The following FBN1 variants were observed in gnomAD, a reference collection of about 807,000 sequenced individuals.
The protein encoded by FBN1 is fibrillin-1.
A neutral mutation model predicts 365.1 loss-of-function variants in FBN1; 29 were observed. The observed-to-expected ratio is 0.08, with a 90% CI of 0.06 to 0.11. The LOEUF is 0.11. Among genes scored for constraint, FBN1 ranks in the 10% least tolerant of loss-of-function variants. The pLI is 1.00. For synonymous variants in FBN1, 1,210 were observed against 1,270.5 expected (o/e 0.95, Z 1.01); for missense variants, 2,476 against 3,703.2 (o/e 0.67, Z 8.60).
intron 2 of FBN1, chr15:48,643,154 G>A (rs1890229925): frequency 6.6e-6 from 1 of 152,138 alleles, no homozygotes; most frequent in African/African-American, 2.4e-5. Flanking sequence ...TATTTTTGAA[G>A]GAAAAATACT....
rs563015558 is a variant in FBN1 at position 48,441,002 on chromosome 15, C to G, written c.6163+719G>C. ...GAAATACATGTGTTTGTTTCATCTC[C>G]CTTCCCCGGAATTCATGAAACTAGT... On this transcript the variant is annotated intron_variant, in intron 50 of 65. Coordinates refer to ENST00000316623, the MANE Select transcript of FBN1 (RefSeq NM_000138.5). 1.3e-5 allele frequency among the ~76,000 whole-genome samples: 2 copies of G among 152,060 alleles called. 1 individual carries two copies. The highest frequency in any genetic ancestry group is 3.9e-4 in the East Asian group (2 of 5,174).
intron 2 of FBN1, among the ~76,000 whole-genome samples, chr15:48,624,874 T>C (rs1433791297): frequency 1.3e-5 from 2 of 152,204 alleles, no homozygotes; most frequent in Admixed American, 6.5e-5. Context: ...GGGGTGGAGC[T>C]TGTGGAATTC....
intron 24 of FBN1, among the ~76,000 whole-genome samples, chr15:48,491,951 T>A (rs1379365948): frequency 6.6e-6 from 1 of 152,166 alleles, no homozygotes; most frequent in Non-Finnish European, 1.5e-5. Flanking sequence ...AGGATCCCAT[T>A]TGGGCTCTAG....
chr15:48,644,458 G>C, intron 2 of FBN1, 148 bp downstream of exon 2: 1 of 1,034,828 alleles, frequency 9.7e-7, no homozygotes, highest in Non-Finnish European at 1.5e-6. Flanking sequence ...AACCACGAAC[G>C]GGGTGGGGAC....
chr15:48,452,777 T>G (rs2043211478), intron 44 of FBN1, 93 bp from the exon 45 acceptor site: 1 of 1,421,434 alleles, frequency 7.0e-7, no homozygotes, highest in East Asian at 2.3e-5. Flanking sequence ...ATATTTTATT[T>G]TGATCTGTTC....
chr15:48,526,106 C>A lies in FBN1; in HGVS notation c.988+24G>T, dbSNP rs201610317. 1.5e-4 allele frequency: 243 copies of A among 1,613,672 alleles called. 1 individual carries two copies. The Middle Eastern group carries it at 2.5e-3, about 16-fold the overall frequency. On this transcript the variant is annotated intron_variant, in intron 9 of 65. Transcript: ENST00000316623. ...ATGGAACTGACTTACACAAACCATG[C>A]ATGCTGTTTGTCATTAAACCTACCT... is the stretch of plus-strand genomic sequence containing the variant.
intron 55 of FBN1, among the ~76,000 whole-genome samples, chr15:48,431,933 G>T (rs879676892): frequency 1.3e-5 from 2 of 152,116 alleles, no homozygotes; most frequent in African/African-American, 4.8e-5. Context: ...GGGATTACAG[G>T]CATAAGCCAC....
chr15:48,424,381 TCTCTC>T (rs1420191463), intron 60 of FBN1, among the ~76,000 whole-genome samples: 1 of 152,042 alleles, frequency 6.6e-6, no homozygotes, highest in Non-Finnish European at 1.5e-5. Flanking sequence ...GCTCTCCACT[TCTCTC>T]CTCTCCTCTC....
chr15:48,549,349 C>T (rs1250274928), intron 6 of FBN1, among the ~76,000 whole-genome samples: 1 of 152,216 alleles, frequency 6.6e-6, no homozygotes, highest in South Asian at 2.1e-4. Context: ...CTGGCTAGAC[C>T]TCAGGTGACT....
At chr15:48,553,273 C>A (rs2044156808) in intron 6 of FBN1, among the ~76,000 whole-genome samples, 1 of 152,130 alleles carries the variant, frequency 6.6e-6, no homozygotes, top group Non-Finnish European at 1.5e-5. Flanking sequence ...CCAAATGTTA[C>A]ATATTTGATT....
intron 64 of FBN1, among the ~76,000 whole-genome samples, chr15:48,415,119 A>T (rs977491939): frequency 1.3e-5 from 2 of 152,314 alleles, no homozygotes; most frequent in East Asian, 1.9e-4. Context: ...TTATTCTAAC[A>T]GGAGCTAGAT....
At position 48,456,312 on chromosome 15, in the gene FBN1, T is replaced by C. The variant is rs1173937374; in HGVS notation, c.5422+325A>G. On this transcript the variant is annotated intron_variant, in intron 44 of 65. Transcript: ENST00000316623. Reference sequence around the variant, plus strand: ...AACTAGGATGACTGTCCACTCATACTGATTTTCCAGCAATGTGAAACGAAA... The same window carrying C: ...AACTAGGATGACTGTCCACTCATACCGATTTTCCAGCAATGTGAAACGAAA... Among the ~76,000 whole-genome samples the C allele has an allele frequency of 3.3e-5, 5 of 152,248 alleles. No individual in the cohort carries two copies. The East Asian group carries it at 9.6e-4, about 29-fold the overall frequency.
At chr15:48,488,266 C>T (rs1240241160) in intron 26 of FBN1, 25 bp from the exon 27 acceptor site, 1 of 1,614,080 alleles carries the variant, frequency 6.2e-7, no homozygotes, top group Non-Finnish European at 8.5e-7. Flanking sequence ...CAAGTGGCAG[C>T]AAATGAGTCT....
intron 4 of FBN1, among the ~76,000 whole-genome samples, chr15:48,608,298 A>T (rs1380061653): frequency 6.6e-6 from 1 of 152,100 alleles, no homozygotes; most frequent in Non-Finnish European, 1.5e-5. Context: ...AAAGTATAAA[A>T]TTTTTCAGAG....
At chr15:48,546,633 G>T (rs2044095681) in intron 6 of FBN1, among the ~76,000 whole-genome samples, 1 of 152,190 alleles carries the variant, frequency 6.6e-6, no homozygotes, top group Non-Finnish European at 1.5e-5. Flanking sequence ...TCTGGATCTG[G>T]CTCAAAGCTC....
chr15:48,428,365 G>T lies in FBN1; in HGVS notation c.6978C>A (p.Pro2326=). The part of the protein sequence containing the change: ...CECNDGFTAS[P]NQDECLDNRE... The stretch of plus-strand genomic sequence containing the variant: ...ACTCACCAAGGCACTCGTCCTGGTT[G>T]GGGCTGGCGGTAAACCCATCATTAC... Residue 2326 remains proline (P), a synonymous_variant, in exon 57 of 66, where the codon CCC becomes CCA. Coordinates refer to ENST00000316623, the MANE Select transcript of FBN1 (RefSeq NM_000138.5). 1 of 1,614,058 alleles carries T rather than the reference G, an allele frequency of 6.2e-7. No homozygotes were observed. The highest frequency in any genetic ancestry group is 1.1e-5 in the South Asian group (1 of 91,076).
chr15:48,426,004 C>A, intron 58 of FBN1, 140 bp from the exon 59 acceptor site: 1 of 676,676 alleles, frequency 1.5e-6, no homozygotes. Context: ...AAGATGACAG[C>A]ATAAATTTAA....
intron 9 of FBN1, 89 bp downstream of exon 9, chr15:48,526,041 T>C (rs943118430): frequency 3.3e-6 from 5 of 1,524,734 alleles, no homozygotes; most frequent in Middle Eastern, 1.7e-4. Context: ...TGATAAATTA[T>C]ATGTGCTCCT....
At chr15:48,537,891 T>C in intron 6 of FBN1, 83 bp from the exon 7 acceptor site, 3 of 1,377,778 alleles carry the variant, frequency 2.2e-6, no homozygotes, top group African/African-American at 2.8e-5. Context: ...TCCATCTTGC[T>C]TGACTCCAAA....
Sources: allele counts gnomAD v4.1 joint callset (sites outside exome capture counted in the v4.1 genomes callset), GRCh38; gene constraint gnomAD v4.1.1; transcripts MANE v1.5; gene names NCBI Gene and HGNC (gene_info 2026-07-23, HGNC 2026-07-21).